PDS5B: variants seen among roughly 807,000 people sequenced by gnomAD.
PDS5B encodes the protein sister chromatid cohesion protein PDS5 homolog B.
In PDS5B, 51 loss-of-function variants were observed where a neutral mutation model predicts 184.1. That is an observed-to-expected ratio of 0.28 (90% CI 0.22 to 0.35). The LOEUF (loss-of-function observed/expected upper bound fraction) is 0.35, where lower values mean the gene tolerates loss of function less well. Among genes scored for constraint, PDS5B ranks in the 10% least tolerant of loss-of-function variants. The pLI, the probability that PDS5B is intolerant of heterozygous loss-of-function variation, is 1.00. For missense variants in PDS5B, 1,180 were observed against 1,723.3 expected, an observed-to-expected ratio of 0.68 and a Z score of 5.58; for synonymous variants, 566 against 569.2, an observed-to-expected ratio of 0.99 and a Z score of 0.08.
intron 31 of PDS5B, among the ~76,000 whole-genome samples, chr13:32,767,377 C>G (rs192449860): frequency 6.6e-6 from 1 of 152,260 alleles, no homozygotes; most frequent in Admixed American, 6.5e-5. Context: ...GCTGTCACCA[C>G]TGTTTTTAAA....
intron 3 of PDS5B, among the ~76,000 whole-genome samples, chr13:32,653,226 G>C (rs569706048): frequency 6.6e-6 from 1 of 152,160 alleles, no homozygotes; most frequent in East Asian, 1.9e-4. Context: ...CCTGGGAGGT[G>C]GGGGATGGAG....
intron 3 of PDS5B, among the ~76,000 whole-genome samples, chr13:32,655,322 C>T (rs9591226): frequency 0.41 from 53,094 of 130,082 alleles, 11,074 homozygotes; most frequent in Non-Finnish European, 0.46. Context: ...GCCATACGTA[C>T]ATCTTCTTTT....
At chr13:32,593,616 C>G (rs9595884) in intron 1 of PDS5B, among the ~76,000 whole-genome samples, 11 of 152,170 alleles carry the variant, frequency 7.2e-5, no homozygotes, top group Admixed American at 7.2e-4. Context: ...GCTGGGATTA[C>G]AGGTGTGAGC....
At chr13:32,729,042 T>G (rs1167568374) in intron 19 of PDS5B, among the ~76,000 whole-genome samples, 1 of 152,124 alleles carries the variant, frequency 6.6e-6, no homozygotes, top group Non-Finnish European at 1.5e-5. Flanking sequence ...ACCTGTCATC[T>G]AGGTTTTAAG....
At chr13:32,639,256 C>T (rs1275016601) in intron 1 of PDS5B, among the ~76,000 whole-genome samples, 4 of 152,100 alleles carry the variant, frequency 2.6e-5, no homozygotes, top group Non-Finnish European at 5.9e-5. Flanking sequence ...TAGTATCTTC[C>T]ATAACATTGA....
chr13:32,649,307 T>C (rs2301390), intron 2 of PDS5B: 59,357 of 154,916 alleles, frequency 0.38, 11,849 homozygotes, highest in Non-Finnish European at 0.44. Context: ...TTAAGCTTCT[T>C]CCTCTGCTTC....
At chr13:32,735,426 C>G (rs17516382) in intron 21 of PDS5B, 96 bp downstream of exon 21, 287,160 of 756,032 alleles carry the variant, frequency 0.38, 60,134 homozygotes, top group Non-Finnish European at 0.44. Context: ...ATAATACTTC[C>G]ATTTGACTGC....
chr13:32,751,912 A>G (rs576420680), intron 24 of PDS5B, among the ~76,000 whole-genome samples: 1 of 152,216 alleles, frequency 6.6e-6, no homozygotes, highest in Non-Finnish European at 1.5e-5. Flanking sequence ...TGAAATTTAA[A>G]TGAAATGAAA....
At chr13:32,720,779 A>G (rs1952645308) in intron 19 of PDS5B, among the ~76,000 whole-genome samples, 1 of 151,796 alleles carries the variant, frequency 6.6e-6, no homozygotes, top group South Asian at 2.1e-4. Flanking sequence ...TCCTAGGCAG[A>G]GGACCCTGCG....
chr13:32,733,983 A>G (rs1953217875), intron 20 of PDS5B, among the ~76,000 whole-genome samples: 1 of 68,528 alleles, frequency 1.5e-5, no homozygotes, highest in African/African-American at 1.3e-4. Flanking sequence ...TTCAAAAATT[A>G]AAACACACAC....
chr13:32,651,718 A>G, intron 2 of PDS5B, 86 bp from the exon 3 acceptor site: 2 of 757,314 alleles, frequency 2.6e-6, no homozygotes, highest in South Asian at 3.6e-5. Flanking sequence ...TTTGAAGTTA[A>G]CCTTAGCAAT....
chr13:32,772,998 G>A (rs1310629798), intron 33 of PDS5B, among the ~76,000 whole-genome samples, 191 bp from the exon 34 acceptor site: 1 of 152,122 alleles, frequency 6.6e-6, no homozygotes, highest in Admixed American at 6.6e-5. Context: ...TTGTTACTTG[G>A]TAGATAATAT....
At chr13:32,595,104 T>A (rs944457074) in intron 1 of PDS5B, among the ~76,000 whole-genome samples, 5 of 152,116 alleles carry the variant, frequency 3.3e-5, no homozygotes, top group Non-Finnish European at 7.4e-5. Flanking sequence ...CCCAAACTGA[T>A]CTACCTTCTC....
chr13:32,686,838 A>G (rs1370785991), intron 11 of PDS5B, among the ~76,000 whole-genome samples: 1 of 152,126 alleles, frequency 6.6e-6, no homozygotes, highest in Non-Finnish European at 1.5e-5. Context: ...TTTAAGTCAC[A>G]GTATGTAGAG....
At chr13:32,699,591 T>G (rs1399308976) in intron 15 of PDS5B, 139 bp from the exon 16 acceptor site, 1 of 475,026 alleles carries the variant, frequency 2.1e-6, no homozygotes, top group Non-Finnish European at 3.6e-6. Flanking sequence ...TTGAAGGTTT[T>G]TCACAATTTA....
chr13:32,712,336 TAACTC>T (rs1454237134), intron 19 of PDS5B, among the ~76,000 whole-genome samples: 1 of 152,226 alleles, frequency 6.6e-6, no homozygotes, highest in African/African-American at 2.4e-5. Context: ...TGAGGAGAAT[TAACTC>T]AGCTGATACT....
chr13:32,641,830 G>A (rs539804765), intron 1 of PDS5B, among the ~76,000 whole-genome samples: 4 of 152,098 alleles, frequency 2.6e-5, no homozygotes, highest in Non-Finnish European at 5.9e-5. Context: ...AACTTTAGAT[G>A]TATAATCTAC....
intron 3 of PDS5B, among the ~76,000 whole-genome samples, chr13:32,654,102 T>G (rs1950437654): frequency 6.6e-6 from 1 of 152,224 alleles, no homozygotes; most frequent in Admixed American, 6.5e-5. Flanking sequence ...TTCTGATGAA[T>G]TTTTGAGTCT....
At chr13:32,757,103 G>A (rs1954208492) in intron 26 of PDS5B, among the ~76,000 whole-genome samples, 1 of 151,548 alleles carries the variant, frequency 6.6e-6, no homozygotes, top group Admixed American at 6.6e-5. Context: ...TCCATCCTGG[G>A]CAAACAGAGT....
Sources: gnomAD v4.1 joint callset for allele counts (sites outside exome capture counted in the v4.1 genomes callset) on GRCh38, gnomAD v4.1.1 for gene constraint, MANE v1.5 for transcripts, NCBI Gene and HGNC (gene_info 2026-07-23, HGNC 2026-07-21) for gene names.